THSD7B: variants seen among roughly 807,000 people sequenced by gnomAD.
THSD7B encodes the protein thrombospondin type-1 domain-containing protein 7B.
A neutral mutation model predicts 213.6 loss-of-function variants in THSD7B; 138 were observed. The observed-to-expected ratio is 0.65, with a 90% confidence interval of 0.56 to 0.74. The LOEUF (loss-of-function observed/expected upper bound fraction) is 0.74, where lower values mean the gene tolerates loss of function less well. Among genes scored for constraint, THSD7B ranks in the 30% least tolerant of loss-of-function variants. THSD7B has a pLI of 0.00. For synonymous variants in THSD7B, 742 were observed against 687.0 expected (o/e 1.08, Z -1.25); for missense variants, 1,931 against 1,991.5 (o/e 0.97, Z 0.58).
chr2:137,069,311 T>G lies in THSD7B; in HGVS notation c.950+12081T>G, dbSNP rs180930341. Among the ~76,000 whole-genome samples the G allele has an allele frequency of 1.8e-3, 276 of 152,224 alleles. 1 individual carries two copies. Among genetic ancestry groups the G allele is most frequent in the African/African-American group, 6.5e-3 (269 of 41,560 alleles). ...CTTCTCTCTTCAGTTTTAATTTTTGTTTTTGTTTCACCTTGTTTCCTTTTT... is the reference window on the plus strand; with the variant it reads ...CTTCTCTCTTCAGTTTTAATTTTTGGTTTTGTTTCACCTTGTTTCCTTTTT... On this transcript the variant is annotated intron_variant, in intron 3 of 27. Transcript: ENST00000409968.
At chr2:137,595,640 G>A (rs1051152940) in intron 17 of THSD7B, among the ~76,000 whole-genome samples, 1 of 151,806 alleles carries the variant, frequency 6.6e-6, no homozygotes, top group East Asian at 1.9e-4. Flanking sequence ...AACAGAAAAT[G>A]GACTATCTTT....
At chr2:137,514,769 A>T (rs904179504) in intron 15 of THSD7B, among the ~76,000 whole-genome samples, 4 of 152,146 alleles carry the variant, frequency 2.6e-5, no homozygotes, top group African/African-American at 7.2e-5. Context: ...GATTTATGCA[A>T]AATAAATGCA....
intron 2 of THSD7B, among the ~76,000 whole-genome samples, chr2:136,944,788 A>C (rs967360260): frequency 4.2e-5 from 6 of 144,556 alleles, no homozygotes; most frequent in African/African-American, 1.3e-4. Context: ...GTTTCTTTGC[A>C]TGTGAGATGG....
At chr2:137,545,492 G>A (rs573471323) in intron 15 of THSD7B, among the ~76,000 whole-genome samples, 4 of 151,812 alleles carry the variant, frequency 2.6e-5, no homozygotes, top group Admixed American at 2.0e-4. Flanking sequence ...AGCCACCCCC[G>A]AAGAGGACCA....
chr2:136,981,878 G>A (rs938494297), intron 2 of THSD7B, among the ~76,000 whole-genome samples: 8 of 152,160 alleles, frequency 5.3e-5, no homozygotes, highest in African/African-American at 1.4e-4. Flanking sequence ...CAGGGAGAAC[G>A]TTGTGTTGCT....
chr2:137,440,509 A>C (rs1687385882), intron 14 of THSD7B, among the ~76,000 whole-genome samples: 1 of 149,348 alleles, frequency 6.7e-6, no homozygotes, highest in Non-Finnish European at 1.5e-5. Context: ...GCCTTGTTTC[A>C]GTTGGTAAAG....
chr2:136,801,338 C>T (rs1182792059), intron 1 of THSD7B, among the ~76,000 whole-genome samples: 1 of 152,028 alleles, frequency 6.6e-6, no homozygotes, highest in Non-Finnish European at 1.5e-5. Context: ...TTTGAGGTAG[C>T]ATTGGGTAGG....
intron 5 of THSD7B, among the ~76,000 whole-genome samples, chr2:137,127,963 T>A (rs975648337): frequency 4.8e-4 from 73 of 151,918 alleles, no homozygotes; most frequent in African/African-American, 1.7e-3. Flanking sequence ...CCCTACTAGT[T>A]TAATATAGTA....
At chr2:137,506,255 G>A (rs1184758563) in intron 15 of THSD7B, among the ~76,000 whole-genome samples, 1 of 152,164 alleles carries the variant, frequency 6.6e-6, no homozygotes, top group African/African-American at 2.4e-5. Flanking sequence ...CTTTGTTTCA[G>A]AACTGAGTCG....
intron 25 of THSD7B, among the ~76,000 whole-genome samples, chr2:137,660,790 G>A (rs1458242154): frequency 6.6e-6 from 1 of 152,082 alleles, no homozygotes; most frequent in Non-Finnish European, 1.5e-5. Flanking sequence ...GTGATATGAA[G>A]ATATCATTTT....
At chr2:137,356,097 A>G (rs1171668025) in intron 12 of THSD7B, among the ~76,000 whole-genome samples, 6 of 152,090 alleles carry the variant, frequency 3.9e-5, no homozygotes, top group South Asian at 4.2e-4. Context: ...GGCATCAACT[A>G]TCACTAAGAC....
rs1253395879 is a variant in THSD7B, at chr2:136,791,984, A to G, written c.-36+26297A>G. On this transcript the variant is annotated intron_variant, in intron 1 of 27. Transcript: ENST00000409968. ...TTGTTTTCCAAAGCATGATTTTACA[A>G]TCCGACCAGCAGTGTATGAGGGTTT... Among the ~76,000 whole-genome samples the G allele has an allele frequency of 2.0e-5, 3 of 152,020 alleles. No homozygotes were observed. The South Asian group carries it at 6.2e-4, about 31-fold the overall frequency.
chr2:137,583,256 A>G (rs1255219068), intron 17 of THSD7B, among the ~76,000 whole-genome samples: 1 of 152,164 alleles, frequency 6.6e-6, no homozygotes, highest in Non-Finnish European at 1.5e-5. Context: ...TGAGATGAGT[A>G]GATTGCAAAA....
intron 5 of THSD7B, among the ~76,000 whole-genome samples, chr2:137,124,360 AC>A (rs1163264026): frequency 3.3e-5 from 5 of 152,206 alleles, no homozygotes; most frequent in African/African-American, 1.2e-4. Flanking sequence ...GTATCCACTT[AC>A]TGCCCAACTC....
At chr2:137,266,192 G>A (rs1283233666) in intron 10 of THSD7B, among the ~76,000 whole-genome samples, 4 of 152,126 alleles carry the variant, frequency 2.6e-5, no homozygotes, top group Non-Finnish European at 5.9e-5. Context: ...CTGGCAATGT[G>A]TTCATGCTTT....
intron 14 of THSD7B, among the ~76,000 whole-genome samples, chr2:137,416,984 A>G (rs1686814496): frequency 1.3e-5 from 2 of 152,236 alleles, no homozygotes; most frequent in African/African-American, 2.4e-5. Flanking sequence ...AATGTTTTCT[A>G]TCTGATTCCA....
rs1017527415 is a variant in THSD7B at position 137,419,416 on chromosome 2, G to A, written c.2959+7544G>A. 2.2e-4 allele frequency among the ~76,000 whole-genome samples: 19 copies of A among 86,686 alleles called. 7 individuals are homozygous for A. The highest frequency in any genetic ancestry group is 8.9e-4 in the South Asian group (2 of 2,256). 56.9% of individuals were successfully genotyped at this position (86,686 alleles called of 152,430 possible). A position where few individuals can be genotyped will look rare whatever the true frequency, so the allele number is the denominator to read the frequency against. ...GAAGAATGAGGATACACTGATAATC[G>A]AAGAGTGAAAAGGACAGAGAATAAT... is the stretch of plus-strand genomic sequence containing the variant. On this transcript the variant is annotated intron_variant, in intron 14 of 27. Coordinates refer to ENST00000409968, the MANE Select transcript of THSD7B (RefSeq NM_001316349.2).
intron 1 of THSD7B, among the ~76,000 whole-genome samples, chr2:136,875,455 C>T (rs1424612930): frequency 6.6e-6 from 1 of 151,270 alleles, no homozygotes; most frequent in Admixed American, 6.6e-5. Flanking sequence ...CCATTCTGCA[C>T]TTTCCGTCAG....
intron 2 of THSD7B, among the ~76,000 whole-genome samples, chr2:136,969,029 C>A (rs1173408059): frequency 3.9e-5 from 6 of 152,112 alleles, no homozygotes; most frequent in Non-Finnish European, 8.8e-5. Flanking sequence ...TGTTCAGTGA[C>A]CCCAATCTAC....
Sources: allele counts gnomAD v4.1 joint callset (sites outside exome capture counted in the v4.1 genomes callset), GRCh38; gene constraint gnomAD v4.1.1; transcripts MANE v1.5; gene names NCBI Gene and HGNC (gene_info 2026-07-23, HGNC 2026-07-21).